NOL4: variants seen among roughly 807,000 people sequenced by gnomAD.
NOL4 encodes the protein cancer/testis antigen 125.
In NOL4, 17 loss-of-function variants were observed where a neutral mutation model predicts 75.9. That is an observed-to-expected ratio of 0.22 (90% confidence interval 0.15 to 0.34). NOL4 has a LOEUF of 0.34. NOL4 is among the 10% of genes least tolerant of loss of function. The pLI is 1.00. For synonymous variants in NOL4, 292 were observed against 289.9 expected (o/e 1.01, Z -0.07); for missense variants, 614 against 793.5 (o/e 0.77, Z 2.72).
intron 9 of NOL4, among the ~76,000 whole-genome samples, chr18:33,927,607 G>GGTGGAAATTTGAAAAAT (rs1487726061): frequency 1.3e-5 from 2 of 151,986 alleles, no homozygotes; most frequent in Non-Finnish European, 2.9e-5. Flanking sequence ...TCTTCCTGAG[G>GGTGGAAATTTGAAAAAT]GTGGAAATTT....
At chr18:33,866,058 T>C (rs1360531070) in intron 10 of NOL4, among the ~76,000 whole-genome samples, 1 of 152,070 alleles carries the variant, frequency 6.6e-6, no homozygotes, top group East Asian at 1.9e-4. Context: ...TAGACTGTAC[T>C]CCCCCACCAA....
At chr18:34,174,006 G>A (rs2146284912) in intron 1 of NOL4, among the ~76,000 whole-genome samples, 1 of 152,160 alleles carries the variant, frequency 6.6e-6, no homozygotes, top group African/African-American at 2.4e-5. Flanking sequence ...TATTTCAATT[G>A]AACTTTAAAA....
intron 4 of NOL4, among the ~76,000 whole-genome samples, chr18:34,094,713 C>T (rs192718889): frequency 1.1e-4 from 17 of 152,284 alleles, no homozygotes; most frequent in Non-Finnish European, 7.4e-5. Context: ...GAACGTTTAA[C>T]ACGAATATAA....
intron 8 of NOL4, among the ~76,000 whole-genome samples, chr18:33,953,228 T>C (rs1465928615): frequency 1.3e-5 from 2 of 151,658 alleles, no homozygotes; most frequent in African/African-American, 2.4e-5. Flanking sequence ...TAAATTTCTT[T>C]TGTGTAGGAT....
At chr18:33,994,684 A>C (rs1431057399) in intron 6 of NOL4, among the ~76,000 whole-genome samples, 1 of 151,662 alleles carries the variant, frequency 6.6e-6, no homozygotes, top group Admixed American at 6.6e-5. Flanking sequence ...TTATATTAAA[A>C]AAGAATAAAG....
Position 34,223,291 on chromosome 18 carries a change from G to A in NOL4, c.-38C>T, listed in dbSNP as rs1015377692. 2.7e-5 allele frequency: 43 copies of A among 1,604,618 alleles called. No homozygotes were observed. The highest frequency in any genetic ancestry group is 3.3e-5 in the Non-Finnish European group (39 of 1,177,288). ...CGGCCGCTGGCCGGATGCTCCCAGC[G>A]CACTTCGCACCTGTTCACCCTAGGC... On this transcript the variant is annotated 5_prime_UTR_variant, in exon 1 of 11. Transcript: ENST00000261592.
intron 4 of NOL4, among the ~76,000 whole-genome samples, chr18:34,095,608 G>A (rs2078741255): frequency 6.6e-6 from 1 of 152,076 alleles, no homozygotes; most frequent in African/African-American, 2.4e-5. Flanking sequence ...CTCTCACAGA[G>A]TCACATGTGG....
At position 34,219,936 on chromosome 18, in the gene NOL4, C is replaced by T. The variant is rs537003310; in HGVS notation, c.264+3054G>A. On this transcript the variant is annotated intron_variant, in intron 1 of 10. Transcript: ENST00000261592. ...CAAAAAGCAGTCTAAACATCAGTGG[C>T]AGATATGTCCCCTCAGGTTTAGACA... Among the ~76,000 whole-genome samples the T allele has an allele frequency of 6.6e-5, 10 of 152,308 alleles. No homozygotes were observed. The East Asian group carries it at 1.5e-3, about 24-fold the overall frequency.
chr18:34,031,814 G>T (rs1025250183), intron 5 of NOL4, among the ~76,000 whole-genome samples: 6 of 152,154 alleles, frequency 3.9e-5, no homozygotes, highest in Non-Finnish European at 8.8e-5. Context: ...TTCCAACATG[G>T]AGTGTGGCAA....
chr18:33,913,751 C>T (rs759561445), intron 9 of NOL4, among the ~76,000 whole-genome samples: 34 of 152,092 alleles, frequency 2.2e-4, no homozygotes, highest in Non-Finnish European at 4.7e-4. Flanking sequence ...CACTACTCTG[C>T]CATACTGAGC....
chr18:34,153,651 T>G (rs576793428), intron 1 of NOL4, among the ~76,000 whole-genome samples: 30 of 152,048 alleles, frequency 2.0e-4, no homozygotes, highest in African/African-American at 7.0e-4. Flanking sequence ...CTGGAAAGAG[T>G]GATTAGCCAA....
chr18:34,074,448 G>A (rs1343827927), intron 5 of NOL4, among the ~76,000 whole-genome samples: 2 of 151,752 alleles, frequency 1.3e-5, no homozygotes, highest in African/African-American at 4.8e-5. Context: ...CATACACTAA[G>A]AAATTTGCAA....
intron 10 of NOL4, among the ~76,000 whole-genome samples, chr18:33,863,800 C>T (rs1408117789): frequency 6.6e-6 from 1 of 152,152 alleles, no homozygotes; most frequent in African/African-American, 2.4e-5. Flanking sequence ...ACTCCAATCC[C>T]AAATTTCCCT....
chr18:33,856,510 T>TG (rs2062843375), intron 10 of NOL4, among the ~76,000 whole-genome samples: 1 of 152,068 alleles, frequency 6.6e-6, no homozygotes, highest in South Asian at 2.1e-4. Context: ...CCATGAGTCC[T>TG]GAGTTGAATA....
chr18:34,182,734 T>A (rs374508464), intron 1 of NOL4, among the ~76,000 whole-genome samples: 1 of 151,766 alleles, frequency 6.6e-6, no homozygotes, highest in African/African-American at 2.4e-5. Flanking sequence ...AAATTAAACT[T>A]CTTCTTTCAT....
intron 1 of NOL4, among the ~76,000 whole-genome samples, chr18:34,206,167 G>C (rs1036968018): frequency 2.6e-5 from 4 of 152,004 alleles, no homozygotes; most frequent in Admixed American, 1.3e-4. Context: ...TTCTCTTACA[G>C]ATTTGTAGTT....
chr18:34,104,296 C>T (rs115213611), intron 3 of NOL4, 137 bp from the exon 4 acceptor site: 9,492 of 581,476 alleles, frequency 0.016, 165 homozygotes, highest in African/African-American at 0.063. Context: ...TATAGTTGGA[C>T]GGTAGAAAAA....
chr18:34,162,771 C>T (rs562974212), intron 1 of NOL4, among the ~76,000 whole-genome samples: 21 of 152,130 alleles, frequency 1.4e-4, no homozygotes, highest in African/African-American at 2.9e-4. Context: ...TACCAAAGCC[C>T]GGCAGAGACA....
chr18:33,999,734 C>T (rs968522605), intron 6 of NOL4, among the ~76,000 whole-genome samples: 2 of 152,114 alleles, frequency 1.3e-5, no homozygotes, highest in Non-Finnish European at 2.9e-5. Context: ...TCACTGCAAC[C>T]TCTGCCTCAA....
Sources: allele counts gnomAD v4.1 joint callset (sites outside exome capture counted in the v4.1 genomes callset), GRCh38; gene constraint gnomAD v4.1.1; transcripts MANE v1.5; gene names NCBI Gene and HGNC (gene_info 2026-07-23, HGNC 2026-07-21).